Variants in CTPS2 observed in about 807,000 individuals in gnomAD.
The protein encoded by CTPS2 is CTP synthase 2.
Under a neutral mutation model 46.8 loss-of-function variants are expected in CTPS2, and 19 were observed. The ratio of observed to expected loss-of-function variants is 0.41; its 90% CI spans 0.28 to 0.60. The LOEUF (loss-of-function observed/expected upper bound fraction) is 0.60. Among genes scored for constraint, CTPS2 ranks in the 20% least tolerant of loss-of-function variants. The pLI, the probability that CTPS2 is intolerant of heterozygous loss-of-function variation, is 0.35. For synonymous variants in CTPS2, 151 were observed against 165.2 expected (o/e 0.91, Z 0.66); for missense variants, 286 against 447.6 (o/e 0.64, Z 3.26).
chrX:16,651,235 G>A (rs41309711), intron 13 of CTPS2: 18,402 of 840,334 alleles, frequency 0.022, 213 homozygotes, highest in Non-Finnish European at 0.026. Flanking sequence ...TATAGGGACC[G>A]TCGCTTGAGG....
At chrX:16,616,525 T>C (rs1930536375) in intron 16 of CTPS2, among the ~76,000 whole-genome samples, 1 of 111,679 alleles carries the variant, frequency 9.0e-6, no homozygotes, top group African/African-American at 3.3e-5. Context: ...CACTCAACAG[T>C]GCCACTCTGC....
intron 13 of CTPS2, among the ~76,000 whole-genome samples, chrX:16,645,022 G>A (rs373763455): frequency 2.7e-5 from 3 of 111,789 alleles, no homozygotes; most frequent in African/African-American, 3.2e-5. Flanking sequence ...TTGCTCTGTC[G>A]CCCAGGCTGG....
chrX:16,670,722 T>G, intron 10 of CTPS2, 48 bp from the exon 11 acceptor site: 1 of 922,816 alleles, frequency 1.1e-6, no homozygotes, highest in Non-Finnish European at 1.5e-6. Context: ...CATTTTTTTT[T>G]TAAACTAGTG....
At chrX:16,709,866 A>C (rs1032535433) in intron 1 of CTPS2, among the ~76,000 whole-genome samples, 6 of 108,049 alleles carry the variant, frequency 5.6e-5, no homozygotes, top group African/African-American at 2.0e-4. Context: ...AAAAAAAAAA[A>C]AAAAAAACAG....
intron 13 of CTPS2, among the ~76,000 whole-genome samples, chrX:16,657,360 G>C (rs1225518659): frequency 9.1e-6 from 1 of 109,984 alleles, no homozygotes; most frequent in Non-Finnish European, 1.9e-5. Flanking sequence ...GCAGGGCCAG[G>C]CTTCTCTCTG....
intron 14 of CTPS2, among the ~76,000 whole-genome samples, chrX:16,626,728 C>T (rs1341942991): frequency 9.0e-6 from 1 of 111,281 alleles, no homozygotes; most frequent in Non-Finnish European, 1.9e-5. Flanking sequence ...CTTTACAGAA[C>T]TGCTCTCTAA....
At chrX:16,648,889 C>G (rs930615797) in intron 13 of CTPS2, among the ~76,000 whole-genome samples, 3 of 111,987 alleles carry the variant, frequency 2.7e-5, no homozygotes, top group Non-Finnish European at 5.6e-5. Flanking sequence ...GGGAGAAATA[C>G]AGTCCCAATA....
intron 1 of CTPS2, chrX:16,711,551 G>A (rs1318113820): frequency 9.0e-6 from 1 of 110,970 alleles, no homozygotes; most frequent in African/African-American, 3.3e-5. Flanking sequence ...AACAGTCAAA[G>A]CTAAGCTATG....
intron 13 of CTPS2, among the ~76,000 whole-genome samples, chrX:16,656,288 G>T (rs2147273982): frequency 8.9e-6 from 1 of 111,901 alleles, no homozygotes; most frequent in East Asian, 2.8e-4. Flanking sequence ...AATTGTACAT[G>T]ATATGCCTTT....
chrX:16,664,959 T>C (rs1181387465), intron 13 of CTPS2, among the ~76,000 whole-genome samples: 1 of 111,947 alleles, frequency 8.9e-6, no homozygotes, highest in Non-Finnish European at 1.9e-5. Context: ...ACAAATACCC[T>C]AATTTTAAAA....
chrX:16,674,873 T>C (rs1167148702), intron 10 of CTPS2, among the ~76,000 whole-genome samples: 1 of 109,730 alleles, frequency 9.1e-6, no homozygotes, highest in East Asian at 2.9e-4. Context: ...GTGTGGACAT[T>C]GGCTAAAGTT....
At chrX:16,669,841 A>G (rs1921579347) in intron 11 of CTPS2, among the ~76,000 whole-genome samples, 2 of 110,703 alleles carry the variant, frequency 1.8e-5, no homozygotes, top group African/African-American at 6.6e-5. Flanking sequence ...CCCCAGCTAC[A>G]GGGCTGCCTC....
intron 17 of CTPS2, among the ~76,000 whole-genome samples, chrX:16,595,548 T>G (rs1174725344): frequency 9.0e-6 from 1 of 111,376 alleles, no homozygotes; most frequent in Admixed American, 9.6e-5. Flanking sequence ...TCAAGTGATC[T>G]GCCCGCTTCG....
At chrX:16,706,443 G>A (rs1242072814) in intron 1 of CTPS2, among the ~76,000 whole-genome samples, 1 of 108,260 alleles carries the variant, frequency 9.2e-6, no homozygotes, top group Non-Finnish European at 1.9e-5. Flanking sequence ...AAAAATTTTG[G>A]CCAGGTGCAA....
intron 14 of CTPS2, among the ~76,000 whole-genome samples, chrX:16,624,884 C>T: frequency 8.9e-6 from 1 of 112,242 alleles, no homozygotes; most frequent in Non-Finnish European, 1.9e-5. Flanking sequence ...CAGAAAGACA[C>T]CAAAAATGTG....
intron 2 of CTPS2, among the ~76,000 whole-genome samples, chrX:16,702,386 G>A (rs1924655668): frequency 8.9e-6 from 1 of 112,118 alleles, no homozygotes; most frequent in Non-Finnish European, 1.9e-5. Context: ...AGCATGTAAG[G>A]GCTAATGCCA....
chrX:16,698,948 A>G lies in CTPS2; in HGVS notation c.312T>C (p.Gly104=). The change falls in exon 3 of 19, where the codon GGT becomes GGC. Residue 104 remains glycine, a synonymous_variant. Transcript: ENST00000359276. ...CTTGCACTGTTTTCCCCAGGTAATC[A>G]CCACGCCTCTCTTTATTGATCACAT... ...YQHVINKERR[G]DYLGKTVQVV... 8.3e-7 allele frequency: 1 copy of G among 1,203,058 alleles called. No homozygotes were observed. Among genetic ancestry groups the G allele is most frequent in the Admixed American group, 2.2e-5 (1 of 44,457 alleles).
chrX:16,623,125 AT>A (rs1234776993), intron 14 of CTPS2, among the ~76,000 whole-genome samples: 1 of 111,373 alleles, frequency 9.0e-6, no homozygotes, highest in Non-Finnish European at 1.9e-5. Flanking sequence ...TTTATTTTAA[AT>A]TTTTGTGGGT....
At chrX:16,674,707 A>G (rs12013619) in intron 10 of CTPS2, among the ~76,000 whole-genome samples, 2,189 of 105,889 alleles carry the variant, frequency 0.021, 64 homozygotes, top group African/African-American at 0.069. Flanking sequence ...GCGTGGTGGC[A>G]GGCGCCTGTA....
Sources: allele counts gnomAD v4.1 joint callset (sites outside exome capture counted in the v4.1 genomes callset), GRCh38; gene constraint gnomAD v4.1.1; transcripts MANE v1.5; gene names NCBI Gene and HGNC (gene_info 2026-07-23, HGNC 2026-07-21).